TRIM2: variants seen among roughly 807,000 people sequenced by gnomAD.
TRIM2 encodes the protein tripartite motif-containing protein 2.
Under a neutral mutation model 75.2 loss-of-function variants are expected in TRIM2, and 20 were observed. The ratio of observed to expected loss-of-function variants is 0.27; its 90% confidence interval spans 0.19 to 0.39. TRIM2 has a LOEUF of 0.39. Among genes scored for constraint, TRIM2 ranks in the 10% least tolerant of loss-of-function variants. The pLI is 1.00. For synonymous variants in TRIM2, 373 were observed against 388.3 expected, an observed-to-expected ratio of 0.96 and a Z score of 0.46; for missense variants, 660 against 990.8, an observed-to-expected ratio of 0.67 and a Z score of 4.48.
Position 153,334,963 on chromosome 4 carries a change from G to A in TRIM2, c.2313G>A (p.Gln771=), listed in dbSNP as rs2149608184. ...GTTTCAAAGTCTATCGATACTTACA[G>A]TAATGGTGGGCAGGTGGATACCCGC... ...NHCFKVYRYL[Q] Residue 771 remains glutamine, a synonymous_variant, in exon 12 of 12, where the codon CAG becomes CAA. Coordinates refer to ENST00000338700, the MANE Select transcript of TRIM2 (RefSeq NM_015271.5). 2.5e-6 allele frequency: 4 copies of A among 1,612,018 alleles called. No individual in the cohort carries two copies. Among genetic ancestry groups the A allele is most frequent in the Non-Finnish European group, 3.4e-6 (4 of 1,178,712 alleles).
chr4:153,217,119 TAAATG>T (rs1738692423), intron 1 of TRIM2, among the ~76,000 whole-genome samples: 2 of 152,224 alleles, frequency 1.3e-5, no homozygotes, highest in South Asian at 4.1e-4. Flanking sequence ...ATGTTTCTGT[TAAATG>T]ACATGATTTT....
chr4:153,330,630 A>G (rs1170371615), intron 11 of TRIM2, among the ~76,000 whole-genome samples: 1 of 152,198 alleles, frequency 6.6e-6, no homozygotes, highest in African/African-American at 2.4e-5. Context: ...AAACTATATG[A>G]TCATATCAAT....
At chr4:153,311,370 A>C (rs2033880) in intron 6 of TRIM2, among the ~76,000 whole-genome samples, 95,265 of 151,496 alleles carry the variant, frequency 0.63, 31,081 homozygotes, top group African/African-American at 0.81. Flanking sequence ...TTCCTTTTAT[A>C]AGCTGCTACT....
chr4:153,167,862 T>C (rs1730467279), intron 1 of TRIM2, among the ~76,000 whole-genome samples: 2 of 152,194 alleles, frequency 1.3e-5, no homozygotes, highest in African/African-American at 4.8e-5. Flanking sequence ...CAGGGGTTGC[T>C]GAAAGTGATC....
chr4:153,330,215 C>A (rs982849406), intron 11 of TRIM2, among the ~76,000 whole-genome samples: 12 of 152,128 alleles, frequency 7.9e-5, no homozygotes, highest in African/African-American at 2.7e-4. Context: ...ATGATTTCAC[C>A]ATGGAATTCT....
chr4:153,330,144 T>C (rs1184294351), intron 11 of TRIM2, among the ~76,000 whole-genome samples: 2 of 152,172 alleles, frequency 1.3e-5, no homozygotes, highest in African/African-American at 4.8e-5. Flanking sequence ...AATAGCCCTA[T>C]AACTATTAAG....
chr4:153,250,040 A>C (rs1309919575), intron 1 of TRIM2, among the ~76,000 whole-genome samples: 1 of 152,170 alleles, frequency 6.6e-6, no homozygotes, highest in East Asian at 1.9e-4. Context: ...AGAATAATGA[A>C]GGAGTAGACA....
intron 8 of TRIM2, among the ~76,000 whole-genome samples, chr4:153,320,440 A>G (rs1192399725): frequency 1.3e-5 from 2 of 152,208 alleles, no homozygotes; most frequent in Non-Finnish European, 2.9e-5. Context: ...TAATATAGAG[A>G]GATAAAATAA....
intron 1 of TRIM2, among the ~76,000 whole-genome samples, chr4:153,183,960 A>T (rs974070753): frequency 6.6e-6 from 1 of 152,136 alleles, no homozygotes; most frequent in Non-Finnish European, 1.5e-5. Context: ...TTAAGGTAAT[A>T]TTGCCTACCT....
intron 1 of TRIM2, among the ~76,000 whole-genome samples, chr4:153,230,820 G>A (rs1743417587): frequency 6.6e-6 from 1 of 152,202 alleles, no homozygotes; most frequent in South Asian, 2.1e-4. Flanking sequence ...CTTGGTTCAA[G>A]CCTATAATTT....
intron 6 of TRIM2, among the ~76,000 whole-genome samples, chr4:153,312,012 C>T (rs986555796): frequency 6.6e-6 from 1 of 151,182 alleles, no homozygotes; most frequent in African/African-American, 2.4e-5. Flanking sequence ...GCGCTGCACC[C>T]ACTAACTCGT....
chr4:153,235,358 C>G (rs1057265526), intron 1 of TRIM2, among the ~76,000 whole-genome samples: 1 of 151,778 alleles, frequency 6.6e-6, no homozygotes, highest in Admixed American at 6.6e-5. Flanking sequence ...GATCACGGCT[C>G]ACTACAGCCT....
intron 3 of TRIM2, 58 bp from the exon 4 acceptor site, chr4:153,292,924 T>C: frequency 6.8e-7 from 1 of 1,477,780 alleles, no homozygotes; most frequent in East Asian, 2.4e-5. Flanking sequence ...GTGCTTAGTG[T>C]AGAGTAAGCC....
At chr4:153,329,798 T>C (rs1047044495) in intron 11 of TRIM2, among the ~76,000 whole-genome samples, 3 of 151,054 alleles carry the variant, frequency 2.0e-5, no homozygotes, top group Admixed American at 6.6e-5. Context: ...GATCACATCA[T>C]TGCACTCCAG....
chr4:153,209,100 CA>C (rs1736244172), intron 1 of TRIM2, among the ~76,000 whole-genome samples: 1 of 152,208 alleles, frequency 6.6e-6, no homozygotes, highest in African/African-American at 2.4e-5. Flanking sequence ...ACAGCGGAAT[CA>C]GGAAAAATGG....
chr4:153,227,651 A>T (rs1351424452), intron 1 of TRIM2, among the ~76,000 whole-genome samples: 2 of 152,156 alleles, frequency 1.3e-5, no homozygotes, highest in Non-Finnish European at 2.9e-5. Flanking sequence ...GCTTGCCCGT[A>T]TGTCCTCAGC....
chr4:153,311,892 TC>T (rs1251641062), intron 6 of TRIM2, among the ~76,000 whole-genome samples: 1 of 137,276 alleles, frequency 7.3e-6, no homozygotes, highest in African/African-American at 3.1e-5. Flanking sequence ...AAGTTTTTAT[TC>T]TTTTATTTAT....
intron 1 of TRIM2, among the ~76,000 whole-genome samples, chr4:153,232,655 G>A (rs80062859): frequency 0.035 from 5,350 of 152,254 alleles, 115 homozygotes; most frequent in Non-Finnish European, 0.047. Context: ...AGGTTGGGGC[G>A]GGGGTGGAGA....
At chr4:153,176,368 G>T (rs1457488737) in intron 1 of TRIM2, among the ~76,000 whole-genome samples, 1 of 151,842 alleles carries the variant, frequency 6.6e-6, no homozygotes, top group African/African-American at 2.4e-5. Context: ...TGGGAGGATT[G>T]TTTGAGTCCA....
Sources: allele counts gnomAD v4.1 joint callset (sites outside exome capture counted in the v4.1 genomes callset), GRCh38; gene constraint gnomAD v4.1.1; transcripts MANE v1.5; gene names NCBI Gene and HGNC (gene_info 2026-07-23, HGNC 2026-07-21).